Variants in ADD3 observed in about 807,000 individuals in gnomAD.
ADD3 encodes gamma-adducin.
A neutral mutation model predicts 80.2 loss-of-function variants in ADD3; 25 were observed. The observed-to-expected ratio is 0.31, with a 90% CI of 0.23 to 0.44. The LOEUF is 0.44. ADD3 is among the 20% of genes least tolerant of loss of function. The probability of loss-of-function intolerance (pLI) is 1.00; values close to 1 mark genes in which losing one functional copy is unlikely to be tolerated. For synonymous variants in ADD3, 284 were observed against 289.6 expected (o/e 0.98, Z 0.20); for missense variants, 829 against 847.5 (o/e 0.98, Z 0.27).
intron 1 of ADD3, among the ~76,000 whole-genome samples, chr10:110,072,804 T>G (rs910791760): frequency 6.6e-6 from 1 of 152,234 alleles, no homozygotes; most frequent in Non-Finnish European, 1.5e-5. Flanking sequence ...GAGTAAGAGC[T>G]ACTCTTGAGC....
intron 2 of ADD3, among the ~76,000 whole-genome samples, chr10:110,110,369 C>G (rs1849861865): frequency 6.6e-6 from 1 of 152,190 alleles, no homozygotes; most frequent in South Asian, 2.1e-4. Context: ...CCACCACTGC[C>G]ACTGTACTTC....
chr10:110,065,477 T>C (rs1049522779), intron 1 of ADD3, among the ~76,000 whole-genome samples: 16 of 43,896 alleles, frequency 3.6e-4, no homozygotes, highest in Non-Finnish European at 8.3e-4. Flanking sequence ...AGTGTGTGTC[T>C]GTCTCTGTCT....
chr10:110,061,826 A>G (rs1185017726), intron 1 of ADD3, among the ~76,000 whole-genome samples: 1 of 152,188 alleles, frequency 6.6e-6, no homozygotes, highest in Non-Finnish European at 1.5e-5. Flanking sequence ...AGTGAGTGCT[A>G]GAAAGACTGA....
intron 13 of ADD3, among the ~76,000 whole-genome samples, chr10:110,131,322 T>C (rs2134242434): frequency 6.6e-6 from 1 of 152,314 alleles, no homozygotes; most frequent in South Asian, 2.1e-4. Context: ...TAGCAGGAGT[T>C]CTCTATCTTG....
intron 1 of ADD3, among the ~76,000 whole-genome samples, chr10:110,082,818 T>C (rs1032552343): frequency 1.3e-5 from 2 of 152,196 alleles, no homozygotes; most frequent in Non-Finnish European, 2.9e-5. Flanking sequence ...ATCTTCACAC[T>C]TTTTTTGTGT....
At chr10:110,101,208 C>T (rs1318117203) in intron 2 of ADD3, among the ~76,000 whole-genome samples, 1 of 152,106 alleles carries the variant, frequency 6.6e-6, no homozygotes, top group Non-Finnish European at 1.5e-5. Context: ...TTTTCTTCTT[C>T]CTTTGGGTAC....
chr10:110,121,675 A>G (rs548368916), intron 8 of ADD3, among the ~76,000 whole-genome samples: 2 of 152,352 alleles, frequency 1.3e-5, no homozygotes, highest in Non-Finnish European at 2.9e-5. Context: ...GGGCTATGAA[A>G]AGCTTAATTA....
chr10:110,126,145 G>C (rs1852115669), intron 11 of ADD3, among the ~76,000 whole-genome samples, 200 bp downstream of exon 11: 1 of 152,210 alleles, frequency 6.6e-6, no homozygotes. Context: ...TGGGGAAGAT[G>C]TATTGAACAT....
chr10:110,081,071 TAA>T (rs1235585551), intron 1 of ADD3, among the ~76,000 whole-genome samples: 1 of 152,216 alleles, frequency 6.6e-6, no homozygotes, highest in African/African-American at 2.4e-5. Context: ...AACTGGAAGA[TAA>T]AAGACATTTT....
chr10:110,038,544 CTG>C (rs1376199390), intron 1 of ADD3, among the ~76,000 whole-genome samples: 1 of 152,176 alleles, frequency 6.6e-6, no homozygotes, highest in African/African-American at 2.4e-5. Flanking sequence ...TTATTATTAA[CTG>C]TTCTTTTTAA....
Position 110,100,881 on chromosome 10 carries a change from C to T in ADD3, c.195+33C>T, listed in dbSNP as rs1848736336. 2.0e-6 allele frequency: 3 copies of T among 1,526,952 alleles called. No individual in the cohort carries two copies. The East Asian group carries it at 7.4e-5, about 38-fold the overall frequency. 94.6% of individuals were successfully genotyped at this position (1,526,952 alleles called of 1,614,324 possible). Reference sequence around the variant, plus strand: ...GAATTAGAAGGCTGTAATTTTTCTCCCTCTTTGGAAATGTTAGTATAATAA... The same window carrying T: ...GAATTAGAAGGCTGTAATTTTTCTCTCTCTTTGGAAATGTTAGTATAATAA... On this transcript the variant is annotated intron_variant, in intron 2 of 14. Coordinates refer to ENST00000356080, the MANE Select transcript of ADD3 (RefSeq NM_016824.5).
upstream of ADD3, among the ~76,000 whole-genome samples, chr10:110,003,240 A>AT (rs1851521354): frequency 6.6e-6 from 1 of 151,998 alleles, no homozygotes; most frequent in African/African-American, 2.4e-5. Flanking sequence ...TGGCATATGC[A>AT]TATTTCCCAA....
chr10:110,017,896 T>C (rs986663125), intron 1 of ADD3, among the ~76,000 whole-genome samples: 6 of 152,188 alleles, frequency 3.9e-5, no homozygotes, highest in African/African-American at 1.4e-4. Flanking sequence ...GGTATCTTGT[T>C]TAAAAAGGTT....
At chr10:110,058,580 G>A (rs73349496) in intron 1 of ADD3, among the ~76,000 whole-genome samples, 12,543 of 152,176 alleles carry the variant, frequency 0.082, 1,672 homozygotes, top group African/African-American at 0.28. Flanking sequence ...GCTCTCCTCT[G>A]ATGTAAAGGG....
At chr10:110,079,739 C>T (rs1420760479) in intron 1 of ADD3, among the ~76,000 whole-genome samples, 6 of 152,052 alleles carry the variant, frequency 3.9e-5, no homozygotes. Flanking sequence ...TGGGGTTTCA[C>T]CATGTTGGCC....
intron 1 of ADD3, among the ~76,000 whole-genome samples, chr10:110,092,410 T>A (rs1847646231): frequency 1.3e-5 from 2 of 152,124 alleles, no homozygotes; most frequent in East Asian, 1.9e-4. Flanking sequence ...TGAAATCATG[T>A]CCTTTGCAGC....
intron 1 of ADD3, among the ~76,000 whole-genome samples, chr10:110,018,137 AAAC>A (rs1350492256): frequency 2.0e-5 from 3 of 152,322 alleles, no homozygotes; most frequent in East Asian, 1.9e-4. Flanking sequence ...GCAATAACTA[AAAC>A]AACAATGCAA....
intron 1 of ADD3, among the ~76,000 whole-genome samples, chr10:110,082,165 A>G (rs1462053743): frequency 6.6e-6 from 1 of 152,174 alleles, no homozygotes; most frequent in Non-Finnish European, 1.5e-5. Flanking sequence ...ACAGTGAACA[A>G]TAGGCTATTA....
chr10:110,119,069 G>C (rs1226425451), intron 6 of ADD3, 142 bp from the exon 7 acceptor site: 1 of 855,348 alleles, frequency 1.2e-6, no homozygotes, highest in Non-Finnish European at 1.8e-6. Flanking sequence ...AAAATGGGAA[G>C]TGAATAAAGT....
Sources: gnomAD v4.1 joint callset for allele counts (sites outside exome capture counted in the v4.1 genomes callset) on GRCh38, gnomAD v4.1.1 for gene constraint, MANE v1.5 for transcripts, NCBI Gene and HGNC (gene_info 2026-07-23, HGNC 2026-07-21) for gene names.